The following GIGYF2 variants were observed in gnomAD, a reference collection of about 807,000 sequenced individuals.
GIGYF2 encodes the protein GRB10 interacting GYF protein 2.
A neutral mutation model predicts 208.1 loss-of-function variants in GIGYF2; 25 were observed. That is an observed-to-expected ratio of 0.12 (90% CI 0.09 to 0.17). The LOEUF is 0.17. Ranked by LOEUF, GIGYF2 falls within the 10% of genes least tolerant of loss-of-function variation. The pLI, the probability that GIGYF2 is intolerant of heterozygous loss-of-function variation, is 1.00. For missense variants in GIGYF2, 1,302 were observed against 1,579.4 expected, an observed-to-expected ratio of 0.82 and a Z score of 2.98; for synonymous variants, 534 against 543.8, an observed-to-expected ratio of 0.98 and a Z score of 0.25.
chr2:232,812,530 T>C, intron 18 of GIGYF2, 39 bp downstream of exon 18: 1 of 791,582 alleles, frequency 1.3e-6, no homozygotes, highest in South Asian at 1.4e-5. Flanking sequence ...ACTCTGAGGA[T>C]TCAGAGTCTA....
intron 8 of GIGYF2, among the ~76,000 whole-genome samples, chr2:232,781,626 T>G (rs1245526330): frequency 6.6e-6 from 1 of 152,164 alleles, no homozygotes; most frequent in Admixed American, 6.5e-5. Context: ...CAAATTTAGT[T>G]CTATGTCTCC....
chr2:232,826,464 G>A (rs1380235739), intron 21 of GIGYF2, among the ~76,000 whole-genome samples: 2 of 152,164 alleles, frequency 1.3e-5, no homozygotes, highest in Non-Finnish European at 2.9e-5. Context: ...GTGATGATGA[G>A]CATTTTTTCA....
chr2:232,711,718 T>TATATATATATATATATATATATAG, intron 2 of GIGYF2, among the ~76,000 whole-genome samples: 1 of 146,900 alleles, frequency 6.8e-6, no homozygotes, highest in African/African-American at 2.5e-5. Context: ...TATATATATA[T>TATATATATATATATATATATATAG]ATATATATAG....
At chr2:232,708,762 T>G (rs1032277248) in intron 2 of GIGYF2, among the ~76,000 whole-genome samples, 12 of 150,290 alleles carry the variant, frequency 8.0e-5, no homozygotes, top group African/African-American at 2.7e-4. Context: ...CCTCCCAGGC[T>G]CAAGTGATCC....
At chr2:232,741,615 G>C (rs947465881) in intron 3 of GIGYF2, among the ~76,000 whole-genome samples, 1 of 151,812 alleles carries the variant, frequency 6.6e-6, no homozygotes, top group African/African-American at 2.4e-5. Flanking sequence ...ACTAATACTT[G>C]TATTTTTTAG....
chr2:232,753,741 A>G (rs547956282), intron 5 of GIGYF2, among the ~76,000 whole-genome samples: 2 of 152,320 alleles, frequency 1.3e-5, no homozygotes, highest in East Asian at 1.9e-4. Flanking sequence ...GAAGTTGAGT[A>G]TAGAGGCCAG....
At chr2:232,700,581 A>G (rs1425535929) in intron 1 of GIGYF2, 2 of 152,168 alleles carry the variant, frequency 1.3e-5, no homozygotes, top group Non-Finnish European at 2.9e-5. Context: ...TCTATTTCTT[A>G]TAGATTATAG....
chr2:232,817,179 T>G, intron 20 of GIGYF2, 147 bp downstream of exon 20: 1 of 741,810 alleles, frequency 1.3e-6, no homozygotes, highest in Non-Finnish European at 2.4e-6. Flanking sequence ...AAAGAATCTC[T>G]GTTTTTCACC....
intron 2 of GIGYF2, among the ~76,000 whole-genome samples, chr2:232,733,554 A>C (rs1352986802): frequency 6.6e-6 from 1 of 152,198 alleles, no homozygotes; most frequent in African/African-American, 2.4e-5. Flanking sequence ...AGGGTGATAA[A>C]GGGAGAGAAT....
intron 3 of GIGYF2, among the ~76,000 whole-genome samples, chr2:232,744,526 TTTTCTTTC>T (rs573309597): frequency 2.0e-5 from 3 of 151,920 alleles, no homozygotes; most frequent in Non-Finnish European, 4.4e-5. Flanking sequence ...TTGTGTTTTT[TTTTCTTTC>T]TTTCTTTCTT....
chr2:232,805,263 C>A (rs547345953), intron 14 of GIGYF2, among the ~76,000 whole-genome samples: 1 of 152,122 alleles, frequency 6.6e-6, no homozygotes. Flanking sequence ...ATTCTGTAAT[C>A]TTGCAGATTT....
chr2:232,825,821 A>G (rs775166352), intron 21 of GIGYF2, among the ~76,000 whole-genome samples: 3 of 151,954 alleles, frequency 2.0e-5, no homozygotes, highest in Non-Finnish European at 4.4e-5. Flanking sequence ...CGTCATTTAC[A>G]TTAGGTATTT....
intron 2 of GIGYF2, among the ~76,000 whole-genome samples, chr2:232,712,947 A>G (rs1307902698): frequency 6.6e-6 from 1 of 152,212 alleles, no homozygotes. Flanking sequence ...ATTTTCTGCT[A>G]TGAAGAAAAT....
intron 8 of GIGYF2, among the ~76,000 whole-genome samples, chr2:232,781,599 C>T (rs1472834678): frequency 1.3e-5 from 2 of 151,848 alleles, no homozygotes; most frequent in Non-Finnish European, 2.9e-5. Flanking sequence ...TGAAATCATT[C>T]TGTGGGAAGA....
In GIGYF2 at chr2:232,857,134, T is replaced by C. The variant is rs1022931422; in HGVS notation, c.*274T>C. On this transcript the variant is annotated 3_prime_UTR_variant, in exon 29 of 29. Coordinates refer to ENST00000373563, the MANE Select transcript of GIGYF2 (RefSeq NM_001103146.3). Reference sequence around the variant, plus strand: ...CCAACAAGGCTGATTTTAGGCAGCATGTGTTCACTGTGCTGTGATTTCATC... The same window carrying C: ...CCAACAAGGCTGATTTTAGGCAGCACGTGTTCACTGTGCTGTGATTTCATC... The C allele has an allele frequency of 7.6e-6, 4 of 527,186 alleles. No individual in the cohort carries two copies. Among genetic ancestry groups the C allele is most frequent in the Non-Finnish European group, 1.4e-5 (4 of 291,236 alleles). The allele number at this position is 527,186 out of a possible 1,614,324, so 32.7% of individuals were successfully genotyped here.
chr2:232,841,246 G>A (rs904521384), intron 23 of GIGYF2, among the ~76,000 whole-genome samples: 2 of 152,020 alleles, frequency 1.3e-5, no homozygotes, highest in Non-Finnish European at 2.9e-5. Context: ...GGAATCACAG[G>A]TCTTCTCCTG....
In GIGYF2 at chr2:232,829,196, G is replaced by A. The variant is rs115697877; in HGVS notation, c.2530-3661G>A. Among the ~76,000 whole-genome samples, 1,413 of 152,040 alleles carry A rather than the reference G, an allele frequency of 9.3e-3. 22 individuals are homozygous for A. The highest frequency in any genetic ancestry group is 0.032 in the African/African-American group (1,319 of 41,450). On this transcript the variant is annotated intron_variant, in intron 21 of 28. Coordinates refer to ENST00000373563, the MANE Select transcript of GIGYF2 (RefSeq NM_001103146.3). ...GTGTCTTGAGGCTCTATTACTACTT[G>A]CATATACATTTATATAGTTCTGTCT...
chr2:232,729,960 C>A lies in GIGYF2; in HGVS notation c.-43-5195C>A, dbSNP rs150031645. ...TATAGTGTCTTCCATATCCACAGGA[C>A]CATACTTGACCAAAGCCTTCTTCAC... On this transcript the variant is annotated intron_variant, in intron 2 of 28. Coordinates refer to ENST00000373563, the MANE Select transcript of GIGYF2 (RefSeq NM_001103146.3). The A allele has an allele frequency of 5.8e-4, 420 of 721,594 alleles. 2 individuals carry two copies. The African/African-American group carries it at 6.9e-3, about 12-fold the overall frequency. The allele number at this position is 721,594 out of a possible 1,614,324, so 44.7% of individuals were successfully genotyped here. A position where few individuals can be genotyped will look rare whatever the true frequency, so the allele number is the denominator to read the frequency against.
At chr2:232,808,535 A>G (rs1700628142) in intron 15 of GIGYF2, among the ~76,000 whole-genome samples, 1 of 151,894 alleles carries the variant, frequency 6.6e-6, no homozygotes, top group South Asian at 2.1e-4. Flanking sequence ...TCATGTAGAC[A>G]TTTTAGATGA....
Sources: allele counts gnomAD v4.1 joint callset (sites outside exome capture counted in the v4.1 genomes callset), GRCh38; gene constraint gnomAD v4.1.1; transcripts MANE v1.5; gene names NCBI Gene and HGNC (gene_info 2026-07-23, HGNC 2026-07-21).